MYH15: variants seen among roughly 807,000 people sequenced by gnomAD.
MYH15 encodes myosin-15.
Under a neutral mutation model 240.5 loss-of-function variants are expected in MYH15, and 227 were observed. The ratio of observed to expected loss-of-function variants is 0.94; its 90% confidence interval spans 0.85 to 1.05. The LOEUF is 1.05. Ranked by LOEUF, MYH15 falls within the 50% of genes least tolerant of loss-of-function variation. The pLI is 0.00. For missense variants in MYH15, 2,217 were observed against 2,247.5 expected (o/e 0.99, Z 0.27); for synonymous variants, 785 against 796.7 (o/e 0.99, Z 0.25).
At chr3:108,441,352 T>G (rs1211352688) in intron 22 of MYH15, 92 bp from the exon 23 acceptor site, 20 of 1,441,206 alleles carry the variant, frequency 1.4e-5, no homozygotes. Context: ...AAGAGATAAT[T>G]GCCTGCCCTC....
chr3:108,476,530 T>C lies in MYH15; in HGVS notation c.1115-15A>G. 5 of 1,522,406 alleles carry C rather than the reference T, an allele frequency of 3.3e-6. No individual in the cohort carries two copies. The highest frequency in any genetic ancestry group is 4.6e-6 in the Non-Finnish European group (5 of 1,097,012). The allele number at this position is 1,522,406 out of a possible 1,614,324, so 94.3% of individuals were successfully genotyped here. The stretch of plus-strand genomic sequence containing the variant: ...TTTGTCAGCATCTGGTCATCAGAAA[T>C]AGAAGAAAAGGAAGGAGAGAGGAAA... On this transcript the variant is annotated splice_polypyrimidine_tract_variant and intron_variant, in intron 11 of 40. Coordinates refer to ENST00000693548, the MANE Select transcript of MYH15 (RefSeq NM_014981.3).
intron 35 of MYH15, among the ~76,000 whole-genome samples, chr3:108,394,410 G>A (rs2082444020): frequency 6.6e-6 from 1 of 152,200 alleles, no homozygotes; most frequent in African/African-American, 2.4e-5. Context: ...AGGGTATCTA[G>A]ATAACCTACA....
rs138767902 is a variant in MYH15 at position 108,517,792 on chromosome 3, C to T, written c.-57-7205G>A. ...CACCTTCTGATTAAATTCTGTCATG[C>T]ATTCATTTTAAAGTATGTCCTCTTA... On this transcript the variant is annotated intron_variant, in intron 1 of 41. Coordinates refer to the MYH15 transcript ENST00000273353. Among the ~76,000 whole-genome samples, 13 of 152,246 alleles carry T rather than the reference C, an allele frequency of 8.5e-5. No homozygotes were observed. In the East Asian group the frequency reaches 2.5e-3, roughly 29 times the overall value.
chr3:108,415,184 A>C (rs964897084), intron 29 of MYH15, among the ~76,000 whole-genome samples: 2 of 152,172 alleles, frequency 1.3e-5, no homozygotes, highest in African/African-American at 4.8e-5. Flanking sequence ...ACCTAGCAGC[A>C]TTATTCCCCA....
intron 17 of MYH15, among the ~76,000 whole-genome samples, chr3:108,459,817 T>C (rs1368943177): frequency 6.6e-6 from 1 of 152,154 alleles, no homozygotes; most frequent in Non-Finnish European, 1.5e-5. Context: ...AAACCTGAGA[T>C]GGGAATTCTG....
intron 35 of MYH15, among the ~76,000 whole-genome samples, chr3:108,398,141 A>T (rs1018730368): frequency 2.6e-5 from 4 of 152,204 alleles, no homozygotes; most frequent in Non-Finnish European, 5.9e-5. Context: ...GGTGGACCTT[A>T]ATCAAATATG....
intron 27 of MYH15, 92 bp downstream of exon 27, chr3:108,428,400 G>A: frequency 7.1e-7 from 1 of 1,411,624 alleles, no homozygotes; most frequent in Non-Finnish European, 9.6e-7. Context: ...GAGTCACTAA[G>A]CTGGCTTATT....
intron 6 of MYH15, among the ~76,000 whole-genome samples, chr3:108,496,958 G>A (rs893272805): frequency 1.3e-5 from 2 of 151,582 alleles, no homozygotes; most frequent in Admixed American, 6.6e-5. Context: ...TCAGGAGATC[G>A]AGACCATCCT....
Position 108,499,480 on chromosome 3 carries a change from G to C in MYH15, c.499C>G (p.Arg167Gly). The change falls in exon 5 of 41, where the codon CGA (arginine) becomes GGA (glycine). Residue 167 changes from arginine to glycine, a missense_variant and splice_region_variant. Transcript: ENST00000693548. The part of the protein sequence containing the change: ...NNAFQDMLHN[R>G]ENQSILFTGE... ...GTGAAGAGTATAGACTGATTTTCTC[G>C]ATCTACAAAAGAAAGAAAAATGCCA... 6.2e-7 allele frequency: 1 copy of C among 1,612,890 alleles called. No individual in the cohort carries two copies. The highest frequency in any genetic ancestry group is 8.5e-7 in the Non-Finnish European group (1 of 1,179,490).
Position 108,457,169 on chromosome 3 carries a change from A to G in MYH15, c.2021-286T>C, listed in dbSNP as rs190813329. On this transcript the variant is annotated intron_variant, in intron 18 of 40. Transcript: ENST00000693548. ...TTATAAGCAAATATTCTTGGAAGGC[A>G]AAAAGATTACATTTTTTGCTAGAAT... Among the ~76,000 whole-genome samples the G allele has an allele frequency of 4.6e-5, 7 of 152,354 alleles. No individual in the cohort carries two copies. In the East Asian group the frequency reaches 9.6e-4, roughly 21 times the overall value.
chr3:108,453,592 A>C (rs900706439), intron 21 of MYH15, among the ~76,000 whole-genome samples: 7 of 152,194 alleles, frequency 4.6e-5, no homozygotes, highest in African/African-American at 1.7e-4. Context: ...CAAGAGCCAC[A>C]GTTTCTGACC....
intron 1 of MYH15, 110 bp downstream of exon 1, chr3:108,510,333 C>T (rs2083511976): frequency 7.1e-7 from 1 of 1,410,592 alleles, no homozygotes; most frequent in Non-Finnish European, 9.5e-7. Context: ...ATACCCTAAG[C>T]AAATAAGTTA....
intron 7 of MYH15, among the ~76,000 whole-genome samples, chr3:108,494,354 C>T (rs541373297): frequency 6.6e-6 from 1 of 152,118 alleles, no homozygotes; most frequent in South Asian, 2.1e-4. Context: ...AAAATTTTAA[C>T]CCAGATTTCT....
intron 15 of MYH15, 98 bp downstream of exon 15, chr3:108,464,540 A>T: frequency 8.2e-7 from 1 of 1,213,234 alleles, no homozygotes; most frequent in Non-Finnish European, 1.2e-6. Context: ...CTCTTCATTT[A>T]ATCTAAACAT....
intron 1 of MYH15, among the ~76,000 whole-genome samples, chr3:108,517,409 C>T (rs1244382393): frequency 5.9e-5 from 9 of 152,046 alleles, no homozygotes; most frequent in African/African-American, 1.9e-4. Flanking sequence ...CTCGGCTCAC[C>T]GCAACCTCTG....
intron 2 of MYH15, 94 bp downstream of exon 2, chr3:108,505,629 C>T: frequency 1.6e-6 from 1 of 643,266 alleles, no homozygotes; most frequent in East Asian, 3.5e-5. Flanking sequence ...CATCTCCTAC[C>T]CCAGATCTTT....
intron 32 of MYH15, among the ~76,000 whole-genome samples, chr3:108,406,356 A>T (rs1167254315): frequency 6.6e-6 from 1 of 152,224 alleles, no homozygotes; most frequent in Non-Finnish European, 1.5e-5. Flanking sequence ...AAAAAGTAAA[A>T]CTGAGTTGCA....
intron 9 of MYH15, 21 bp downstream of exon 9, chr3:108,492,479 G>C: frequency 6.5e-7 from 1 of 1,543,498 alleles, no homozygotes; most frequent in Non-Finnish European, 8.9e-7. Flanking sequence ...ATAACCCTAA[G>C]CTCCAGAATC....
chr3:108,536,825 G>T, the MYH15 span, among the ~76,000 whole-genome samples: 3 of 152,202 alleles, frequency 2.0e-5, no homozygotes, highest in African/African-American at 4.8e-5. Context: ...CCTCCTGGAA[G>T]TAATAACTTA....
Sources: gnomAD v4.1 joint callset for allele counts (sites outside exome capture counted in the v4.1 genomes callset) on GRCh38, gnomAD v4.1.1 for gene constraint, MANE v1.5 for transcripts, NCBI Gene and HGNC (gene_info 2026-07-23, HGNC 2026-07-21) for gene names.